RAB2A: variants seen among roughly 807,000 people sequenced by gnomAD.
RAB2A encodes ras-related protein Rab-2A.
RAB2A carries 7 observed loss-of-function variants against 32.5 expected under a neutral mutation model. The ratio of observed to expected loss-of-function variants is 0.22; its 90% CI spans 0.12 to 0.40. The LOEUF (loss-of-function observed/expected upper bound fraction) is 0.40. RAB2A is among the 10% of genes least tolerant of loss of function. The pLI is 1.00. For missense variants in RAB2A, 108 were observed against 260.7 expected, an observed-to-expected ratio of 0.41 and a Z score of 4.03; for synonymous variants, 79 against 85.2, an observed-to-expected ratio of 0.93 and a Z score of 0.40.
intron 2 of RAB2A, among the ~76,000 whole-genome samples, chr8:60,565,149 G>A (rs550568361): frequency 6.6e-6 from 1 of 152,244 alleles, no homozygotes; most frequent in East Asian, 1.9e-4. Context: ...AATGATTGCT[G>A]GGCTCATGCC....
chr8:60,608,434 T>TTCTC (rs746716461), intron 6 of RAB2A, among the ~76,000 whole-genome samples: 5 of 150,564 alleles, frequency 3.3e-5, no homozygotes, highest in Non-Finnish European at 7.4e-5. Context: ...CTTTTTCTCT[T>TTCTC]TCTCTCTCTC....
At chr8:60,557,263 C>G (rs1586081159) in intron 1 of RAB2A, among the ~76,000 whole-genome samples, 1 of 152,254 alleles carries the variant, frequency 6.6e-6, no homozygotes, top group Non-Finnish European at 1.5e-5. Flanking sequence ...TGCCTATAAT[C>G]CCAGCATTTT....
At chr8:60,579,239 C>T (rs1221639926) in intron 3 of RAB2A, among the ~76,000 whole-genome samples, 1 of 152,148 alleles carries the variant, frequency 6.6e-6, no homozygotes, top group East Asian at 1.9e-4. Context: ...GACGGGGTTT[C>T]ACCATGTTGG....
At chr8:60,521,681 C>T (rs552865456) in intron 1 of RAB2A, among the ~76,000 whole-genome samples, 3 of 152,214 alleles carry the variant, frequency 2.0e-5, no homozygotes, top group South Asian at 2.1e-4. Context: ...AGTGCAGTGG[C>T]GCCATCTGGG....
At chr8:60,561,231 C>G (rs1348729280) in intron 2 of RAB2A, among the ~76,000 whole-genome samples, 2 of 152,318 alleles carry the variant, frequency 1.3e-5, no homozygotes, top group South Asian at 2.1e-4. Flanking sequence ...AACCAAGTCC[C>G]TACATTAAAT....
At chr8:60,582,572 A>G (rs1056413807) in intron 3 of RAB2A, among the ~76,000 whole-genome samples, 1 of 152,084 alleles carries the variant, frequency 6.6e-6, no homozygotes, top group Admixed American at 6.5e-5. Context: ...GCAAGACTGA[A>G]GTACAGTGGT....
chr8:60,592,626 C>T (rs1363555260), intron 6 of RAB2A, among the ~76,000 whole-genome samples: 1 of 151,992 alleles, frequency 6.6e-6, no homozygotes, highest in African/African-American at 2.4e-5. Flanking sequence ...TCTGTTTCAT[C>T]TATTGATGAA....
chr8:60,571,429 T>C (rs1266021502), intron 2 of RAB2A, among the ~76,000 whole-genome samples: 1 of 152,210 alleles, frequency 6.6e-6, no homozygotes, highest in African/African-American at 2.4e-5. Flanking sequence ...ATGTTTGTGA[T>C]ACAGAATAAT....
Position 60,606,803 on chromosome 8 carries a change from C to T in RAB2A, c.475-11777C>T, listed in dbSNP as rs907141163. On this transcript the variant is annotated intron_variant, in intron 6 of 7. Coordinates refer to ENST00000262646, the MANE Select transcript of RAB2A (RefSeq NM_002865.3). ...AGCTAGAGCTGGAGTGGCTGAGATA[C>T]ACAAGCAGTGTCCTGAGGCAACACA... 2.0e-5 allele frequency among the ~76,000 whole-genome samples: 3 copies of T among 152,258 alleles called. No homozygotes were observed. In the East Asian group the frequency reaches 5.8e-4, roughly 29 times the overall value.
chr8:60,591,647 ATCTT>A (rs1246359654), intron 5 of RAB2A: 1 of 387,320 alleles, frequency 2.6e-6, no homozygotes, highest in African/African-American at 2.0e-5. Flanking sequence ...CTAACACAGA[ATCTT>A]TCTTCTGTTG....
At chr8:60,579,752 C>T (rs10103438) in intron 3 of RAB2A, among the ~76,000 whole-genome samples, 35,940 of 151,700 alleles carry the variant, frequency 0.24, 4,310 homozygotes, top group Middle Eastern at 0.39. Context: ...CTCAGCTTCC[C>T]GAGTAGCTGG....
At chr8:60,602,223 A>T (rs773202873) in intron 6 of RAB2A, among the ~76,000 whole-genome samples, 7 of 152,244 alleles carry the variant, frequency 4.6e-5, no homozygotes. Flanking sequence ...CACTTAAAAA[A>T]GTAAACCCTT....
In RAB2A at chr8:60,620,977, A is replaced by G. The variant is rs1001304978; in HGVS notation, c.*208A>G. ...GGAGATTGTATTCATATCTATTTGC[A>G]TTTGATTTCTAGGTCAATTGATGTG... On this transcript the variant is annotated 3_prime_UTR_variant, in exon 8 of 8. Transcript: ENST00000262646. 2 of 488,694 alleles carry G rather than the reference A, an allele frequency of 4.1e-6. No homozygotes were observed. Among genetic ancestry groups the G allele is most frequent in the Non-Finnish European group, 3.6e-6 (1 of 277,942 alleles). The allele number at this position is 488,694 out of a possible 1,614,324, so 30.3% of individuals were successfully genotyped here. A position where few individuals can be genotyped will look rare whatever the true frequency, so the allele number is the denominator to read the frequency against.
At chr8:60,596,214 A>G (rs951030688) in intron 6 of RAB2A, among the ~76,000 whole-genome samples, 12 of 152,246 alleles carry the variant, frequency 7.9e-5, no homozygotes, top group Non-Finnish European at 1.5e-4. Context: ...AACCTAGACA[A>G]TACCATTCAG....
At chr8:60,550,361 G>A (rs535677770) in intron 1 of RAB2A, among the ~76,000 whole-genome samples, 2 of 151,658 alleles carry the variant, frequency 1.3e-5, no homozygotes, top group South Asian at 4.2e-4. Flanking sequence ...TATTGAGAAA[G>A]CTCCTTACTG....
intron 3 of RAB2A, among the ~76,000 whole-genome samples, chr8:60,575,093 G>GGTT (rs1491174395): frequency 1.6e-5 from 2 of 128,144 alleles, no homozygotes; most frequent in African/African-American, 5.8e-5. Context: ...TTTTTTGGGG[G>GGTT]TTTTTTTTTT....
chr8:60,584,936 G>C lies in RAB2A; in HGVS notation c.362+121G>C, dbSNP rs145636906. 3 of 638,990 alleles carry C rather than the reference G, an allele frequency of 4.7e-6. No homozygotes were observed. The African/African-American group carries it at 5.7e-5, about 12-fold the overall frequency. The allele number at this position is 638,990 out of a possible 1,614,324, so 39.6% of individuals were successfully genotyped here. A position where few individuals can be genotyped will look rare whatever the true frequency, so the allele number is the denominator to read the frequency against. On this transcript the variant is annotated intron_variant, in intron 5 of 7. Coordinates refer to ENST00000262646, the MANE Select transcript of RAB2A (RefSeq NM_002865.3). ...CCAGCCTCTTAAATTATAAAATTTC[G>C]GAAATTCTAAGGTGTTTCTTTTGAT...
intron 1 of RAB2A, among the ~76,000 whole-genome samples, chr8:60,549,678 T>G (rs970249966): frequency 1.1e-4 from 16 of 151,864 alleles, no homozygotes; most frequent in African/African-American, 1.9e-4. Context: ...GATAGTTTTT[T>G]CCCCCCATTT....
chr8:60,596,702 C>T (rs1397413634), intron 6 of RAB2A, among the ~76,000 whole-genome samples: 3 of 151,976 alleles, frequency 2.0e-5, no homozygotes, highest in Non-Finnish European at 4.4e-5. Flanking sequence ...GTGGGCGGAT[C>T]ACAAGGTCAG....
Sources: gnomAD v4.1 joint callset for allele counts (sites outside exome capture counted in the v4.1 genomes callset) on GRCh38, gnomAD v4.1.1 for gene constraint, MANE v1.5 for transcripts, NCBI Gene and HGNC (gene_info 2026-07-23, HGNC 2026-07-21) for gene names.